The following STXBP5L variants were observed in gnomAD, a reference collection of about 807,000 sequenced individuals.
STXBP5L encodes the protein syntaxin binding protein 5L, also known as syntaxin-binding protein 5-like.
STXBP5L carries 65 observed loss-of-function variants against 144.5 expected under a neutral mutation model. The ratio of observed to expected loss-of-function variants is 0.45; its 90% CI spans 0.37 to 0.55. STXBP5L has a LOEUF of 0.55. Ranked by LOEUF, STXBP5L falls within the 20% of genes least tolerant of loss-of-function variation. STXBP5L has a pLI of 0.00. For missense variants in STXBP5L, 1,298 were observed against 1,405.5 expected (o/e 0.92, Z 1.22); for synonymous variants, 505 against 469.6 (o/e 1.08, Z -0.97).
At chr3:121,197,584 C>G (rs1281827471) in intron 9 of STXBP5L, among the ~76,000 whole-genome samples, 1 of 151,966 alleles carries the variant, frequency 6.6e-6, no homozygotes, top group Non-Finnish European at 1.5e-5. Context: ...TTTGCTGCAC[C>G]TGTCAACCCA....
At chr3:121,165,203 A>C (rs2046458157) in intron 9 of STXBP5L, among the ~76,000 whole-genome samples, 2 of 152,246 alleles carry the variant, frequency 1.3e-5, no homozygotes, top group Admixed American at 1.3e-4. Flanking sequence ...AAGGTTAAAA[A>C]AAGTGTATGC....
intron 7 of STXBP5L, among the ~76,000 whole-genome samples, chr3:121,124,838 A>G (rs1478793069): frequency 1.3e-5 from 2 of 152,038 alleles, no homozygotes; most frequent in African/African-American, 4.8e-5. Flanking sequence ...TTTGTTTCCA[A>G]CTTCAAAGGA....
At chr3:121,240,659 T>C (rs1001770148) in intron 14 of STXBP5L, 152 bp downstream of exon 14, 5 of 674,864 alleles carry the variant, frequency 7.4e-6, no homozygotes, top group African/African-American at 5.4e-5. Context: ...ATTCTCATCT[T>C]GACAGAGGAT....
chr3:121,366,617 A>G (rs1324923257), intron 20 of STXBP5L, among the ~76,000 whole-genome samples: 1 of 151,910 alleles, frequency 6.6e-6, no homozygotes, highest in Non-Finnish European at 1.5e-5. Flanking sequence ...TTTCACTTTC[A>G]ATTTATTTGT....
rs573629878 is a variant in STXBP5L, at chr3:120,960,405, C to T, written c.287+5368C>T. On this transcript the variant is annotated intron_variant, in intron 3 of 26. Coordinates refer to ENST00000471454, the MANE Select transcript of STXBP5L (RefSeq NM_001308330.2). ...ACCATTTGACCCAGCCATCCCATTA[C>T]GGGGTATATACCGAAAGGAGTATAA... is the stretch of plus-strand genomic sequence containing the variant. Among the ~76,000 whole-genome samples, 25 of 152,242 alleles carry T rather than the reference C, an allele frequency of 1.6e-4. No individual in the cohort carries two copies. In the South Asian group the frequency reaches 2.1e-3, roughly 13 times the overall value.
chr3:121,162,188 A>T (rs887964299), intron 9 of STXBP5L, among the ~76,000 whole-genome samples: 3 of 152,160 alleles, frequency 2.0e-5, no homozygotes, highest in African/African-American at 7.2e-5. Context: ...ATAAATTAAA[A>T]ACATATCATA....
At chr3:120,922,037 G>A (rs995045909) in intron 2 of STXBP5L, among the ~76,000 whole-genome samples, 1 of 151,884 alleles carries the variant, frequency 6.6e-6, no homozygotes, top group Admixed American at 6.6e-5. Context: ...CATTGAATCT[G>A]TAAATTACTT....
At chr3:121,373,869 C>A (rs1246242587) in intron 20 of STXBP5L, among the ~76,000 whole-genome samples, 1 of 152,160 alleles carries the variant, frequency 6.6e-6, no homozygotes. Context: ...CACCAGAGGA[C>A]CCACCTGCTA....
chr3:121,007,424 C>G (rs985291573), intron 3 of STXBP5L, among the ~76,000 whole-genome samples: 3 of 151,516 alleles, frequency 2.0e-5, no homozygotes, highest in African/African-American at 4.9e-5. Flanking sequence ...TGCATCTATT[C>G]TATATTTGGG....
At chr3:121,268,803 G>T (rs2050652968) in intron 18 of STXBP5L, among the ~76,000 whole-genome samples, 1 of 152,058 alleles carries the variant, frequency 6.6e-6, no homozygotes, top group South Asian at 2.1e-4. Context: ...TTTGCTTTTG[G>T]ACAGCTGTAT....
intron 2 of STXBP5L, among the ~76,000 whole-genome samples, chr3:120,953,511 T>TG (rs1937674600): frequency 1.3e-5 from 2 of 150,094 alleles, no homozygotes; most frequent in Admixed American, 6.7e-5. Context: ...CCTTTTTTTT[T>TG]TTTTTTTGTA....
intron 20 of STXBP5L, among the ~76,000 whole-genome samples, chr3:121,355,682 C>A (rs1433468489): frequency 6.6e-6 from 1 of 152,152 alleles, no homozygotes; most frequent in Non-Finnish European, 1.5e-5. Context: ...CTGAAGCCTA[C>A]TTCTGTCAAC....
intron 2 of STXBP5L, among the ~76,000 whole-genome samples, chr3:120,915,004 T>C (rs1709036681): frequency 6.6e-6 from 1 of 152,154 alleles, no homozygotes; most frequent in African/African-American, 2.4e-5. Context: ...GAAGTACGTT[T>C]GTAAAATTTT....
chr3:121,040,954 T>C (rs752249531), intron 3 of STXBP5L, among the ~76,000 whole-genome samples: 3 of 152,228 alleles, frequency 2.0e-5, no homozygotes, highest in Non-Finnish European at 2.9e-5. Context: ...TCTCATCTAA[T>C]TTGTATCTTT....
Position 121,424,601 on chromosome 3 carries a change from T to A in STXBP5L, c.*5504T>A, listed in dbSNP as rs1356340333. The A allele has an allele frequency of 6.6e-6, 1 of 152,230 alleles. No homozygotes were observed. The highest frequency in any genetic ancestry group is 2.4e-5 in the African/African-American group (1 of 41,460). The allele number at this position is 152,230 out of a possible 1,614,324, so 9.4% of individuals were successfully genotyped here. On this transcript the variant is annotated 3_prime_UTR_variant, in exon 27 of 27. Transcript: ENST00000471454. ...TTTATTCTAGGAAATAAGAAACAGA[T>A]GACATCATTGATGTATCTTTCTTTC...
intron 20 of STXBP5L, among the ~76,000 whole-genome samples, chr3:121,359,231 C>T (rs2045626619): frequency 6.6e-6 from 1 of 152,048 alleles, no homozygotes; most frequent in East Asian, 1.9e-4. Context: ...TTTCATAAGC[C>T]TGTTTTCCAT....
At chr3:120,981,347 A>C (rs1315155393) in intron 3 of STXBP5L, among the ~76,000 whole-genome samples, 1 of 152,128 alleles carries the variant, frequency 6.6e-6, no homozygotes, top group African/African-American at 2.4e-5. Context: ...TAGCTTAGTA[A>C]GTTTAAATAA....
intron 5 of STXBP5L, among the ~76,000 whole-genome samples, chr3:121,062,990 T>A (rs975826814): frequency 1.3e-5 from 2 of 152,206 alleles, no homozygotes; most frequent in Non-Finnish European, 2.9e-5. Context: ...ATTACCCATC[T>A]TCTGAAGCCT....
intron 9 of STXBP5L, among the ~76,000 whole-genome samples, chr3:121,194,076 A>T (rs2047822356): frequency 6.6e-6 from 1 of 152,160 alleles, no homozygotes; most frequent in African/African-American, 2.4e-5. Context: ...AAAGTATATG[A>T]TTCAATGATT....
Sources: allele counts gnomAD v4.1 joint callset (sites outside exome capture counted in the v4.1 genomes callset), GRCh38; gene constraint gnomAD v4.1.1; transcripts MANE v1.5; gene names NCBI Gene and HGNC (gene_info 2026-07-23, HGNC 2026-07-21).